GPR26: variants seen among roughly 807,000 people sequenced by gnomAD.
GPR26 encodes the protein G protein-coupled receptor 26.
Under a neutral mutation model 23.1 loss-of-function variants are expected in GPR26, and 15 were observed. The ratio of observed to expected loss-of-function variants is 0.65; its 90% CI spans 0.43 to 1.00. The LOEUF (loss-of-function observed/expected upper bound fraction) is 1.00. Among genes scored for constraint, GPR26 ranks in the 50% least tolerant of loss-of-function variants. The pLI, the probability that GPR26 is intolerant of heterozygous loss-of-function variation, is 0.00. For synonymous variants in GPR26, 228 were observed against 222.1 expected, an observed-to-expected ratio of 1.03 and a Z score of -0.24; for missense variants, 359 against 470.5, an observed-to-expected ratio of 0.76 and a Z score of 2.19.
rs1343666302 is a variant in GPR26, at chr10:123,695,119, G to A, written c.*6959G>A. On this transcript the variant is annotated 3_prime_UTR_variant, in exon 3 of 3. Coordinates refer to ENST00000284674, the MANE Select transcript of GPR26 (RefSeq NM_153442.4). The stretch of plus-strand genomic sequence containing the variant: ...ACTCCCACACCTATCTCCGGGTGTT[G>A]CCCGTACAGTGTGTCATGTAAATAG... 6.6e-6 allele frequency among the ~76,000 whole-genome samples: 1 copy of A among 152,234 alleles called. No individual in the cohort carries two copies. The highest frequency in any genetic ancestry group is 2.4e-5 in the African/African-American group (1 of 41,468).
chr10:123,683,033 CGTGT>C (rs10608896), intron 2 of GPR26, among the ~76,000 whole-genome samples: 7 of 150,694 alleles, frequency 4.6e-5, no homozygotes, highest in Non-Finnish European at 8.9e-5. Flanking sequence ...CATGTGTTTA[CGTGT>C]GTGTGTGTGT....
In GPR26 at chr10:123,666,723, G is replaced by A. The variant is rs1249774013; in HGVS notation, c.316G>A (p.Val106Met). ...SMAALSIDRW[V>M]AVVFPLSYRA... ...GGCCGCGCTCAGCATCGACCGCTGGGTGGCCGTGGTCTTCCCGCTGAGCTA... is the reference window on the plus strand; with the variant it reads ...GGCCGCGCTCAGCATCGACCGCTGGATGGCCGTGGTCTTCCCGCTGAGCTA... The change falls in exon 1 of 3, where the codon GTG (valine) becomes ATG (methionine). Residue 106 changes from valine to methionine, a missense_variant. Coordinates refer to ENST00000284674, the MANE Select transcript of GPR26 (RefSeq NM_153442.4). 6.3e-7 allele frequency: 1 copy of A among 1,598,582 alleles called. No homozygotes were observed. Among genetic ancestry groups the A allele is most frequent in the Non-Finnish European group, 8.5e-7 (1 of 1,177,572 alleles).
rs1438969297 is a variant in GPR26, at chr10:123,695,852, A to C, written c.*7692A>C. Among the ~76,000 whole-genome samples, 2 of 152,240 alleles carry C rather than the reference A, an allele frequency of 1.3e-5. No homozygotes were observed. The highest frequency in any genetic ancestry group is 2.9e-5 in the Non-Finnish European group (2 of 68,052). Reference sequence around the variant, plus strand: ...CTCCTGTTTTACAACAAACATGTAAATACAACCTCTTTTGGAGTGCAGAAA... The same window carrying C: ...CTCCTGTTTTACAACAAACATGTAACTACAACCTCTTTTGGAGTGCAGAAA... On this transcript the variant is annotated 3_prime_UTR_variant, in exon 3 of 3. Coordinates refer to ENST00000284674, the MANE Select transcript of GPR26 (RefSeq NM_153442.4).
In GPR26 at chr10:123,693,729, C is replaced by T. The variant is rs558401218; in HGVS notation, c.*5569C>T. ...CCAGGCTTGCTCCTGCCTCCTCACA[C>T]CTCATTCCACAAATGCGGAGTGAAA... On this transcript the variant is annotated 3_prime_UTR_variant, in exon 3 of 3. Transcript: ENST00000284674. 1.3e-5 allele frequency: 2 copies of T among 152,364 alleles called. No individual in the cohort carries two copies. The highest frequency in any genetic ancestry group is 4.1e-4 in the South Asian group (2 of 4,824). 9.4% of individuals were successfully genotyped at this position (152,364 alleles called of 1,614,324 possible). A position where few individuals can be genotyped will look rare whatever the true frequency, so the allele number is the denominator to read the frequency against.
intron 2 of GPR26, among the ~76,000 whole-genome samples, chr10:123,684,955 C>A (rs1188210520): frequency 2.6e-5 from 4 of 152,232 alleles, no homozygotes; most frequent in African/African-American, 7.2e-5. Flanking sequence ...CACTGTAGGG[C>A]TTTCTGCCAG....
rs1003890192 is a variant in GPR26 at position 123,690,982 on chromosome 10, T to G, written c.*2822T>G. ...AACTCTGGTGAACTGTTGGACTGGG[T>G]AGAAATCTTTCAAGAAGCTTGAAAA... On this transcript the variant is annotated 3_prime_UTR_variant, in exon 3 of 3. Transcript: ENST00000284674. 2 of 152,186 alleles carry G rather than the reference T, an allele frequency of 1.3e-5. No individual in the cohort carries two copies. The highest frequency in any genetic ancestry group is 2.9e-5 in the Non-Finnish European group (2 of 68,032). The allele number at this position is 152,186 out of a possible 1,614,324, so 9.4% of individuals were successfully genotyped here. A position where few individuals can be genotyped will look rare whatever the true frequency, so the allele number is the denominator to read the frequency against.
rs1272172866 is a variant in GPR26 at position 123,690,955 on chromosome 10, C to T, written c.*2795C>T. ...AGGGTGAGACTTGACCTTTAAGGCC[C>T]AAACTCTGGTGAACTGTTGGACTGG... On this transcript the variant is annotated 3_prime_UTR_variant, in exon 3 of 3. Transcript: ENST00000284674. The T allele has an allele frequency of 1.3e-5, 2 of 152,162 alleles. No individual in the cohort carries two copies. Among genetic ancestry groups the T allele is most frequent in the Admixed American group, 1.3e-4 (2 of 15,278 alleles). The allele number at this position is 152,162 out of a possible 1,614,324, so 9.4% of individuals were successfully genotyped here. A position where few individuals can be genotyped will look rare whatever the true frequency, so the allele number is the denominator to read the frequency against.
chr10:123,674,026 C>T lies in GPR26; in HGVS notation c.669-792C>T, dbSNP rs1209242835. On this transcript the variant is annotated intron_variant, in intron 1 of 2. Transcript: ENST00000284674. The surrounding 1 kb of genome is among the most constrained non-coding windows in gnomAD (Gnocchi z 4.1). ...AGGCTGAAGGGCAATGACACGGTCT[C>T]AGCTCACTGCAACCTCTGCCTCCTG... Among the ~76,000 whole-genome samples, 2 of 152,128 alleles carry T rather than the reference C, an allele frequency of 1.3e-5. No individual in the cohort carries two copies. Among genetic ancestry groups the T allele is most frequent in the Non-Finnish European group, 1.5e-5 (1 of 68,034 alleles).
At chr10:123,675,583 G>A (rs1038870015) in intron 2 of GPR26, among the ~76,000 whole-genome samples, 8 of 152,198 alleles carry the variant, frequency 5.3e-5, no homozygotes, top group African/African-American at 1.9e-4. Flanking sequence ...GCTCTAACTG[G>A]AGCACTCCCC....
chr10:123,667,078 G>A lies in GPR26; in HGVS notation c.668+3G>A, dbSNP rs750512754. On this transcript the variant is annotated splice_donor_region_variant and intron_variant, in intron 1 of 2. Transcript: ENST00000284674. ...CTGCTGGTGGACCTGCACCCCAGGT[G>A]AGCCGAGCGCAGCTAAGGCTCTGGG... 5.7e-6 allele frequency: 9 copies of A among 1,578,916 alleles called. No homozygotes were observed. The highest frequency in any genetic ancestry group is 7.7e-6 in the Non-Finnish European group (9 of 1,161,992).
chr10:123,673,774 TG>T (rs1221556066), intron 1 of GPR26, among the ~76,000 whole-genome samples: 1 of 152,178 alleles, frequency 6.6e-6, no homozygotes, highest in Non-Finnish European at 1.5e-5. Context: ...CCACATACTG[TG>T]TGCATGGAGT....
In GPR26 at chr10:123,689,728, C is replaced by T. The variant is rs1266307955; in HGVS notation, c.*1568C>T. ...CCAATTTTTAAAGGCAGAGAAGTAT[C>T]TGCATCTTTATTTGAAAAGACGTCT... On this transcript the variant is annotated 3_prime_UTR_variant, in exon 3 of 3. Transcript: ENST00000284674. The T allele has an allele frequency of 6.6e-6, 1 of 152,212 alleles. No individual in the cohort carries two copies. The highest frequency in any genetic ancestry group is 2.4e-5 in the African/African-American group (1 of 41,442). The allele number at this position is 152,212 out of a possible 1,614,324, so 9.4% of individuals were successfully genotyped here. A position where few individuals can be genotyped will look rare whatever the true frequency, so the allele number is the denominator to read the frequency against.
At position 123,687,929 on chromosome 10, in the gene GPR26, G is replaced by A. The variant is rs1221480603; in HGVS notation, c.783G>A (p.Arg261=). The A allele has an allele frequency of 1.3e-6, 2 of 1,596,646 alleles. No individual in the cohort carries two copies. The highest frequency in any genetic ancestry group is 2.2e-5 in the East Asian group (1 of 44,800). Residue 261 remains arginine (R), a splice_region_variant and synonymous_variant, in exon 3 of 3, where the codon AGG becomes AGA. Coordinates refer to ENST00000284674, the MANE Select transcript of GPR26 (RefSeq NM_153442.4). ...LVCFAPYVIT[R]LVELFSTVPI... Reference sequence around the variant, plus strand: ...TAACAGCTTCCCTGTCTCTCCACAGGCTAGTGGAGCTCTTCTCCACGGTGC... The same window carrying A: ...TAACAGCTTCCCTGTCTCTCCACAGACTAGTGGAGCTCTTCTCCACGGTGC...
intron 2 of GPR26, among the ~76,000 whole-genome samples, chr10:123,677,619 C>T (rs927750973): frequency 6.6e-6 from 1 of 152,228 alleles, no homozygotes; most frequent in Non-Finnish European, 1.5e-5. Context: ...GAGTTCCCCT[C>T]TGCTGGGGAC....
chr10:123,667,560 A>ACT (rs542481178), intron 1 of GPR26, among the ~76,000 whole-genome samples: 32 of 75,578 alleles, frequency 4.2e-4, no homozygotes, highest in African/African-American at 1.7e-3. Flanking sequence ...CTGTCTCACG[A>ACT]CTGTGTGTGT....
In GPR26 at chr10:123,696,266, G is replaced by C. The variant is rs964607900; in HGVS notation, c.*8106G>C. 3.3e-5 allele frequency among the ~76,000 whole-genome samples: 5 copies of C among 152,158 alleles called. No individual in the cohort carries two copies. Among genetic ancestry groups the C allele is most frequent in the Non-Finnish European group, 4.4e-5 (3 of 68,038 alleles). ...GCTTTACTCTGCCCAGTGTCCAATGGGAGAACCATCCCTTCCCTTTAGTGA... is the reference window on the plus strand; with the variant it reads ...GCTTTACTCTGCCCAGTGTCCAATGCGAGAACCATCCCTTCCCTTTAGTGA... On this transcript the variant is annotated 3_prime_UTR_variant, in exon 3 of 3. Transcript: ENST00000284674.
chr10:123,676,906 T>G (rs1257451759), intron 2 of GPR26, among the ~76,000 whole-genome samples: 1 of 152,200 alleles, frequency 6.6e-6, no homozygotes, highest in African/African-American at 2.4e-5. Context: ...AGAGGACATC[T>G]GTGGTCTTCA....
rs1845506823 is a variant in GPR26, at chr10:123,693,101, C to A, written c.*4941C>A. ...GCTCCTGTGCTAACACCCATACCCA[C>A]CAGCTGGGCGTTGGGACCTCTCCCG... On this transcript the variant is annotated 3_prime_UTR_variant, in exon 3 of 3. Coordinates refer to ENST00000284674, the MANE Select transcript of GPR26 (RefSeq NM_153442.4). The A allele has an allele frequency of 6.6e-6, 1 of 152,218 alleles. No homozygotes were observed. 9.4% of individuals were successfully genotyped at this position (152,218 alleles called of 1,614,324 possible). A position where few individuals can be genotyped will look rare whatever the true frequency, so the allele number is the denominator to read the frequency against.
chr10:123,685,863 T>C (rs188468420), intron 2 of GPR26, among the ~76,000 whole-genome samples: 1 of 152,268 alleles, frequency 6.6e-6, no homozygotes, highest in East Asian at 1.9e-4. Context: ...TCCTCACCTG[T>C]AAAGTGGGAA....
Sources: allele counts gnomAD v4.1 joint callset (sites outside exome capture counted in the v4.1 genomes callset), GRCh38; gene constraint gnomAD v4.1.1; non-coding constraint Gnocchi (gnomAD v3.1); transcripts MANE v1.5; gene names NCBI Gene and HGNC (gene_info 2026-07-23, HGNC 2026-07-21).